The following CD101 variants were observed in gnomAD, a reference collection of about 807,000 sequenced individuals.
CD101 encodes immunoglobulin superfamily member 2.
A neutral mutation model predicts 98.2 loss-of-function variants in CD101; 76 were observed. The ratio of observed to expected loss-of-function variants is 0.77; its 90% confidence interval spans 0.64 to 0.94. The LOEUF (loss-of-function observed/expected upper bound fraction) is 0.94. CD101 is among the 40% of genes least tolerant of loss of function. The pLI, the probability that CD101 is intolerant of heterozygous loss-of-function variation, is 0.00. For synonymous variants in CD101, 471 were observed against 472.7 expected (o/e 1.00, Z 0.05); for missense variants, 1,145 against 1,218.8 (o/e 0.94, Z 0.90).
Position 117,025,723 on chromosome 1 carries a change from C to T in CD101, c.2643C>T (p.His881=), listed in dbSNP as rs1187331777. The change falls in exon 8 of 10, where the codon CAC becomes CAT. Residue 881 remains histidine, a synonymous_variant. Coordinates refer to ENST00000682167, the MANE Select transcript of CD101 (RefSeq NM_001256106.3). The part of the protein sequence containing the change: ...LEYGEEGLRR[H]LHCYRSSSTD... ...ATGGGGAAGAGGGGCTCAGGAGGCA[C>T]CTGCACTGTTACCGTTCATCCTCTA... 1.1e-5 allele frequency: 17 copies of T among 1,614,142 alleles called. No individual in the cohort carries two copies. The highest frequency in any genetic ancestry group is 1.4e-5 in the Non-Finnish European group (17 of 1,180,024).
At position 117,005,204 on chromosome 1, in the gene CD101, A is replaced by G. The variant is rs964197814; in HGVS notation, c.43+3344A>G. On this transcript the variant is annotated intron_variant, in intron 1 of 9. Coordinates refer to ENST00000682167, the MANE Select transcript of CD101 (RefSeq NM_001256106.3). This position sits in a 1 kb window ranked among gnomAD's most constrained non-coding sequence, Gnocchi z 4.4. ...ACAGCACCCTCCCTGTCATCCCTCT[A>G]CTAGGACATTACTTCATTCATCCTC... Among the ~76,000 whole-genome samples, 1 of 152,028 alleles carries G rather than the reference A, an allele frequency of 6.6e-6. No individual in the cohort carries two copies. The highest frequency in any genetic ancestry group is 2.4e-5 in the African/African-American group (1 of 41,370).
chr1:117,011,466 A>G, intron 2 of CD101, 84 bp from the exon 3 acceptor site: 1 of 1,160,518 alleles, frequency 8.6e-7, no homozygotes, highest in Non-Finnish European at 1.2e-6. Context: ...TGTGCTTTAC[A>G]TAGGGTAGCT....
In CD101 at chr1:117,025,979, C is replaced by A. The variant is rs1317172158; in HGVS notation, c.2824+75C>A. 6.8e-6 allele frequency: 10 copies of A among 1,460,810 alleles called. No homozygotes were observed. In the Admixed American group the frequency reaches 2.2e-4, roughly 33 times the overall value. The allele number at this position is 1,460,810 out of a possible 1,614,324, so 90.5% of individuals were successfully genotyped here. A position where few individuals can be genotyped will look rare whatever the true frequency, so the allele number is the denominator to read the frequency against. ...CTCTCCTCTTATCCTCTCCCTCTCA[C>A]CTATCTTTTGCTCCTTCTGAAGACA... On this transcript the variant is annotated intron_variant, in intron 8 of 9. Coordinates refer to ENST00000682167, the MANE Select transcript of CD101 (RefSeq NM_001256106.3).
intron 4 of CD101, among the ~76,000 whole-genome samples, chr1:117,016,162 C>T (rs1009524394): frequency 2.7e-5 from 4 of 148,338 alleles, no homozygotes; most frequent in African/African-American, 2.5e-5. Flanking sequence ...TGTACAACAA[C>T]GTGTGTTGTA....
At chr1:117,003,347 A>G (rs1031025341) in intron 1 of CD101, among the ~76,000 whole-genome samples, 1 of 152,234 alleles carries the variant, frequency 6.6e-6, no homozygotes, top group East Asian at 1.9e-4. Flanking sequence ...AATTGTGCTC[A>G]TGTCTCTAGG....
chr1:117,032,317 C>T (rs935845230), intron 8 of CD101: 28 of 152,166 alleles, frequency 1.8e-4, no homozygotes, highest in Admixed American at 1.8e-3. Flanking sequence ...TTGATTCATT[C>T]ATCAGGCTCC....
chr1:117,002,069 C>T (rs1188768695), intron 1 of CD101, among the ~76,000 whole-genome samples: 2 of 152,164 alleles, frequency 1.3e-5, no homozygotes, highest in African/African-American at 2.4e-5. Context: ...GGTTGAGTCC[C>T]ATGCACAAGA....
rs1164367284 is a variant in CD101, at chr1:117,006,231, A to G, written c.44-3619A>G. Among the ~76,000 whole-genome samples the G allele has an allele frequency of 1.3e-5, 2 of 152,044 alleles. No homozygotes were observed. Among genetic ancestry groups the G allele is most frequent in the South Asian group, 2.1e-4 (1 of 4,830 alleles). ...CTCCCAAGCATCCAACGCACTGAAA[A>G]CTACAGATTTTGTCTCCACAGTAGC... On this transcript the variant is annotated intron_variant, in intron 1 of 9. Transcript: ENST00000682167. The surrounding 1 kb of genome is among the most constrained non-coding windows in gnomAD (Gnocchi z 4.4).
chr1:117,011,502 T>C (rs745305835), intron 2 of CD101, 48 bp from the exon 3 acceptor site: 1 of 1,545,192 alleles, frequency 6.5e-7, no homozygotes, highest in Admixed American at 1.9e-5. Context: ...GGAGGCCCAC[T>C]GGACAAGCAC....
intron 4 of CD101, among the ~76,000 whole-genome samples, chr1:117,014,228 T>TGA (rs1553185852): frequency 0.055 from 7,754 of 140,822 alleles, 306 homozygotes; most frequent in Non-Finnish European, 0.081. Context: ...TGTGTGTGTG[T>TGA]GATATGAATA....
intron 1 of CD101, among the ~76,000 whole-genome samples, chr1:117,008,263 G>A (rs748746033): frequency 1.3e-4 from 20 of 152,178 alleles, no homozygotes; most frequent in Middle Eastern, 3.4e-3. Flanking sequence ...TCAGGAGTTC[G>A]AGACCAGCCT....
Position 117,022,529 on chromosome 1 carries a change from G to A in CD101, c.2428+546G>A, listed in dbSNP as rs971012591. Among the ~76,000 whole-genome samples the A allele has an allele frequency of 6.6e-6, 1 of 152,138 alleles. No homozygotes were observed. Among genetic ancestry groups the A allele is most frequent in the Admixed American group, 6.5e-5 (1 of 15,270 alleles). ...TCTTTAAAAATGTAATGGAAGTTCCGCACTGGTCTAAGAGTGCCACTGTCT... is the reference window on the plus strand; with the variant it reads ...TCTTTAAAAATGTAATGGAAGTTCCACACTGGTCTAAGAGTGCCACTGTCT... On this transcript the variant is annotated intron_variant, in intron 7 of 9. Coordinates refer to ENST00000682167, the MANE Select transcript of CD101 (RefSeq NM_001256106.3). This position sits in a 1 kb window ranked among gnomAD's most constrained non-coding sequence, Gnocchi z 4.8.
At chr1:117,027,638 G>A (rs1481267785) in intron 8 of CD101, among the ~76,000 whole-genome samples, 1 of 152,236 alleles carries the variant, frequency 6.6e-6, no homozygotes, top group Non-Finnish European at 1.5e-5. Context: ...GACCAGTGAG[G>A]AGGGAAAGGA....
chr1:117,016,546 A>C (rs1466565488), intron 4 of CD101, among the ~76,000 whole-genome samples: 1 of 152,170 alleles, frequency 6.6e-6, no homozygotes, highest in Non-Finnish European at 1.5e-5. Context: ...AACAAATAAG[A>C]AATATGTGCA....
chr1:117,022,395 G>A lies in CD101; in HGVS notation c.2428+412G>A, dbSNP rs1283081744. Among the ~76,000 whole-genome samples the A allele has an allele frequency of 2.6e-5, 4 of 152,210 alleles. No homozygotes were observed. The highest frequency in any genetic ancestry group is 5.9e-5 in the Non-Finnish European group (4 of 68,034). On this transcript the variant is annotated intron_variant, in intron 7 of 9. Coordinates refer to ENST00000682167, the MANE Select transcript of CD101 (RefSeq NM_001256106.3). The surrounding 1 kb of genome is among the most constrained non-coding windows in gnomAD (Gnocchi z 4.8). ...AACAGAAACTGTACAACTCTATGGGGATGTGTGGAGAAATTGCTTCTCAAC... is the reference window on the plus strand; with the variant it reads ...AACAGAAACTGTACAACTCTATGGGAATGTGTGGAGAAATTGCTTCTCAAC...
rs1242552684 is a variant in CD101, at chr1:117,006,759, TTA to T, written c.44-3087_44-3086del. Among the ~76,000 whole-genome samples, 15 of 152,180 alleles carry T rather than the reference TTA, an allele frequency of 9.9e-5. No homozygotes were observed. Among genetic ancestry groups the T allele is most frequent in the African/African-American group, 2.4e-4 (10 of 41,444 alleles). ...CTTCAAAATTTTTGAAGCACTTTTA[TTA>T]TATGTTTTCCATAGAGAGGTGACTA... On this transcript the variant is annotated intron_variant, in intron 1 of 9. Coordinates refer to ENST00000682167, the MANE Select transcript of CD101 (RefSeq NM_001256106.3). The surrounding 1 kb of genome is among the most constrained non-coding windows in gnomAD (Gnocchi z 4.4).
Position 117,022,726 on chromosome 1 carries a change from T to TA in CD101, c.2428+752dup, listed in dbSNP as rs969301566. 6.6e-5 allele frequency among the ~76,000 whole-genome samples: 10 copies of TA among 151,360 alleles called. No individual in the cohort carries two copies. The highest frequency in any genetic ancestry group is 2.6e-4 in the Admixed American group (4 of 15,204). The stretch of plus-strand genomic sequence containing the variant: ...TGAAATACTATTTTCAAGGTAACGC[T>TA]AAAAAAAAATTAGATGATAATTGAG... On this transcript the variant is annotated intron_variant, in intron 7 of 9. Coordinates refer to ENST00000682167, the MANE Select transcript of CD101 (RefSeq NM_001256106.3). The surrounding 1 kb of genome is among the most constrained non-coding windows in gnomAD (Gnocchi z 4.8).
In CD101 at chr1:117,005,116, T is replaced by C. The variant is rs1373068677; in HGVS notation, c.43+3256T>C. On this transcript the variant is annotated intron_variant, in intron 1 of 9. Transcript: ENST00000682167. This position sits in a 1 kb window ranked among gnomAD's most constrained non-coding sequence, Gnocchi z 4.4. ...CTAAATGCCCCATCTCCTAATACCA[T>C]CACCTTGGAAATTAGGTTTCTGCGT... Among the ~76,000 whole-genome samples the C allele has an allele frequency of 1.3e-5, 2 of 152,104 alleles. No individual in the cohort carries two copies. Among genetic ancestry groups the C allele is most frequent in the Non-Finnish European group, 2.9e-5 (2 of 68,006 alleles).
Position 117,017,244 on chromosome 1 carries a change from T to A in CD101, c.1383T>A (p.Ala461=). The change falls in exon 5 of 10, where the codon GCT becomes GCA. Residue 461 remains alanine (A), a synonymous_variant. Transcript: ENST00000682167. ...PRDQTQPEFV[A]GMGQDGIVQL... ...ACCAGACACAGCCCGAGTTTGTGGC[T>A]GGCATGGGGCAGGATGGCATTGTGC... 1 of 1,614,218 alleles carries A rather than the reference T, an allele frequency of 6.2e-7. No homozygotes were observed. Among genetic ancestry groups the A allele is most frequent in the Non-Finnish European group, 8.5e-7 (1 of 1,180,036 alleles).
Sources: allele counts gnomAD v4.1 joint callset (sites outside exome capture counted in the v4.1 genomes callset), GRCh38; gene constraint gnomAD v4.1.1; non-coding constraint Gnocchi (gnomAD v3.1); transcripts MANE v1.5; gene names NCBI Gene and HGNC (gene_info 2026-07-23, HGNC 2026-07-21).